Variants in EIF2AK2 observed in about 807,000 individuals in gnomAD.
EIF2AK2 encodes the protein interferon-induced, double-stranded RNA-activated protein kinase.
Under a neutral mutation model 70.5 loss-of-function variants are expected in EIF2AK2, and 40 were observed. The ratio of observed to expected loss-of-function variants is 0.57; its 90% CI spans 0.44 to 0.74. The LOEUF (loss-of-function observed/expected upper bound fraction) is 0.74, where lower values mean the gene tolerates loss of function less well. Among genes scored for constraint, EIF2AK2 ranks in the 30% least tolerant of loss-of-function variants. The probability of loss-of-function intolerance (pLI) is 0.00; values close to 1 mark genes in which losing one functional copy is unlikely to be tolerated. For missense variants in EIF2AK2, 555 were observed against 644.3 expected, an observed-to-expected ratio of 0.86 and a Z score of 1.50; for synonymous variants, 198 against 220.9, an observed-to-expected ratio of 0.90 and a Z score of 0.92.
rs767392892 is a variant in EIF2AK2 at position 37,138,603 on chromosome 2, C to T, written c.517-18G>A. The T allele has an allele frequency of 1.9e-6, 3 of 1,610,666 alleles. No individual in the cohort carries two copies. Among genetic ancestry groups the T allele is most frequent in the Admixed American group, 3.3e-5 (2 of 59,886 alleles). On this transcript the variant is annotated intron_variant, in intron 6 of 16. Transcript: ENST00000233057. ...TCAGATTTCTGAAAGAAAAAGTATCCCTTAGTAGGCTTAAATACAACTAAT... is the reference window on the plus strand; with the variant it reads ...TCAGATTTCTGAAAGAAAAAGTATCTCTTAGTAGGCTTAAATACAACTAAT...
At chr2:37,152,938 C>T (rs1675797483) in intron 1 of EIF2AK2, among the ~76,000 whole-genome samples, 6 of 152,278 alleles carry the variant, frequency 3.9e-5, no homozygotes, top group Admixed American at 2.6e-4. Flanking sequence ...GCATCCTTGA[C>T]ATTTCCTCTC....
chr2:37,126,240 G>C, intron 11 of EIF2AK2, 49 bp downstream of exon 11: 1 of 1,528,810 alleles, frequency 6.5e-7, no homozygotes, highest in Non-Finnish European at 8.8e-7. Flanking sequence ...GAATAGTGCA[G>C]ATTCAGCGTA....
At chr2:37,138,705 C>G in intron 6 of EIF2AK2, 120 bp from the exon 7 acceptor site, 4 of 771,252 alleles carry the variant, frequency 5.2e-6, no homozygotes, top group Non-Finnish European at 8.3e-6. Context: ...CAACCATAAA[C>G]AATTACAAGA....
intron 4 of EIF2AK2, 97 bp from the exon 5 acceptor site, chr2:37,141,798 G>C: frequency 8.0e-7 from 1 of 1,251,882 alleles, no homozygotes; most frequent in Non-Finnish European, 1.1e-6. Context: ...TGAGCAATTT[G>C]AAAGACAACT....
At position 37,146,935 on chromosome 2, in the gene EIF2AK2, G is replaced by A. The variant is rs1675565507; in HGVS notation, c.158C>T (p.Pro53Leu). The A allele has an allele frequency of 1.9e-6, 3 of 1,612,812 alleles. No individual in the cohort carries two copies. Among genetic ancestry groups the A allele is most frequent in the Non-Finnish European group, 2.5e-6 (3 of 1,179,482 alleles). Reference protein sequence around the residue: ...FQVIIDGREFPEGEGRSKKEA... With the variant: ...FQVIIDGREFLEGEGRSKKEA... ...CTTCTTTGATCTACCTTCACCTTCT[G>A]GAAATTCTCTTCCATCTATTATAAC... The change falls in exon 4 of 17, where the codon CCA becomes CTA. Residue 53 changes from proline to leucine, a missense_variant. By Grantham distance (98) the Pro-to-Leu change is moderately conservative. Around this residue, in one of 3 missense-constraint regions of EIF2AK2, gnomAD observed 48 missense variants for 77.1 expected, o/e 0.62. Transcript: ENST00000233057.
At position 37,107,321 on chromosome 2, in the gene EIF2AK2, C is replaced by G; in HGVS notation, c.1608G>C (p.Leu536Phe). The change falls in exon 17 of 17, where the codon TTG (leucine) becomes TTC (phenylalanine). Residue 536 changes from leucine to phenylalanine, a missense_variant. Transcript: ENST00000233057. ...TCTCTGGGCTTTTCTTCCACACAGT[C>G]AAGGTCCTTAGTATTTCAGATGTGT... ...RPNTSEILRT[L>F]TVWKKSPEKN... The G allele has an allele frequency of 6.2e-7, 1 of 1,613,930 alleles. No individual in the cohort carries two copies. Among genetic ancestry groups the G allele is most frequent in the Non-Finnish European group, 8.5e-7 (1 of 1,179,986 alleles).
intron 1 of EIF2AK2, among the ~76,000 whole-genome samples, chr2:37,153,779 T>C (rs1443658851): frequency 6.6e-6 from 1 of 152,228 alleles, no homozygotes; most frequent in Non-Finnish European, 1.5e-5. Context: ...TGAATCATGC[T>C]GCTGTGAACA....
At chr2:37,140,080 T>C (rs181932568) in intron 5 of EIF2AK2, among the ~76,000 whole-genome samples, 23 of 150,964 alleles carry the variant, frequency 1.5e-4, no homozygotes, top group Non-Finnish European at 3.1e-4. Context: ...GATACGGAGG[T>C]AGAAAAGAAA....
rs149383107 is a variant in EIF2AK2, at chr2:37,136,926, A to C, written c.722+57T>G. On this transcript the variant is annotated intron_variant, in intron 9 of 16. Transcript: ENST00000233057. ...TACTCTACAAGTATTAAGAACAATA[A>C]ATAAGTCTGAAATAAAACTTCAGAT... is the stretch of plus-strand genomic sequence containing the variant. The C allele has an allele frequency of 5.7e-3, 8,555 of 1,507,732 alleles. 47 individuals are homozygous for C. The highest frequency in any genetic ancestry group is 0.01 in the Middle Eastern group (58 of 5,712). 93.4% of individuals were successfully genotyped at this position (1,507,732 alleles called of 1,614,324 possible). A position where few individuals can be genotyped will look rare whatever the true frequency, so the allele number is the denominator to read the frequency against.
chr2:37,155,880 G>A (rs981738841), intron 1 of EIF2AK2, among the ~76,000 whole-genome samples: 15 of 150,436 alleles, frequency 1.0e-4, no homozygotes, highest in Non-Finnish European at 2.2e-4. Flanking sequence ...GGCAGAGGTT[G>A]CAGTGAGCCC....
intron 12 of EIF2AK2, among the ~76,000 whole-genome samples, chr2:37,121,262 C>CAAAAAAAAAAAAAAAAAAAAA (rs70949733): frequency 1.4e-5 from 1 of 72,728 alleles, no homozygotes; most frequent in East Asian, 5.3e-4. Context: ...GACACCGTCT[C>CAAAAAAAAAAAAAAAAAAAAA]AAAAAAAAAA....
chr2:37,117,963 A>G (rs147631008), intron 13 of EIF2AK2, among the ~76,000 whole-genome samples: 231 of 152,296 alleles, frequency 1.5e-3, no homozygotes, highest in African/African-American at 5.4e-3. Flanking sequence ...GAAATCAACA[A>G]CTGTAGTAGT....
At chr2:37,143,853 C>G (rs1675428930) in intron 4 of EIF2AK2, among the ~76,000 whole-genome samples, 1 of 152,070 alleles carries the variant, frequency 6.6e-6, no homozygotes, top group African/African-American at 2.4e-5. Context: ...CCACTGCACT[C>G]CAGCCTGGGT....
At chr2:37,131,616 C>CTGTT (rs903989743) in intron 10 of EIF2AK2, among the ~76,000 whole-genome samples, 1 of 152,134 alleles carries the variant, frequency 6.6e-6, no homozygotes, top group African/African-American at 2.4e-5. Flanking sequence ...GGACCCTGAC[C>CTGTT]AACACTCATG....
intron 11 of EIF2AK2, among the ~76,000 whole-genome samples, chr2:37,124,890 C>G (rs1674678800): frequency 6.6e-6 from 1 of 151,988 alleles, no homozygotes; most frequent in Non-Finnish European, 1.5e-5. Context: ...CCACACCGGC[C>G]TAATTACTGT....
intron 3 of EIF2AK2, 108 bp from the exon 4 acceptor site, chr2:37,147,081 C>G: frequency 9.3e-7 from 1 of 1,070,390 alleles, no homozygotes; most frequent in South Asian, 1.7e-5. Flanking sequence ...GGGTTTGAAC[C>G]TACATTCAAT....
At chr2:37,149,078 A>G in intron 1 of EIF2AK2, 55 bp from the exon 2 acceptor site, 1 of 948,600 alleles carries the variant, frequency 1.1e-6, no homozygotes, top group South Asian at 1.3e-5. Context: ...GTTCAGACAG[A>G]CGAGTGATAC....
chr2:37,126,967 G>GAAA lies in EIF2AK2; in HGVS notation c.786-559_786-557dup, dbSNP rs57802509. Among the ~76,000 whole-genome samples the GAAA allele has an allele frequency of 7.1e-4, 37 of 52,162 alleles. 1 individual carries two copies. The highest frequency in any genetic ancestry group is 1.7e-3 in the African/African-American group (22 of 13,094). 34.2% of individuals were successfully genotyped at this position (52,162 alleles called of 152,430 possible). On this transcript the variant is annotated intron_variant, in intron 10 of 16. Transcript: ENST00000233057. The stretch of plus-strand genomic sequence containing the variant: ...AATGAAACTCCATCTCAAAAAAACA[G>GAAA]AAAAAAAAAAAAAAAAAAAAAAAAA...
chr2:37,111,178 A>G (rs1401211824), intron 14 of EIF2AK2, among the ~76,000 whole-genome samples: 1 of 152,218 alleles, frequency 6.6e-6, no homozygotes, highest in African/African-American at 2.4e-5. Flanking sequence ...TAACGGGTGT[A>G]AAGTTTCAGT....
Sources: gnomAD v4.1 joint callset for allele counts (sites outside exome capture counted in the v4.1 genomes callset) on GRCh38, gnomAD v4.1.1 for gene constraint, gnomAD v4.1.1 regional missense constraint, MANE v1.5 for transcripts, NCBI Gene and HGNC (gene_info 2026-07-23, HGNC 2026-07-21) for gene names.